Variants in KRT84 observed in about 807,000 individuals in gnomAD.
KRT84 encodes the protein keratin 84, also known as keratin, type II cuticular Hb4.
In KRT84, 38 loss-of-function variants were observed where a neutral mutation model predicts 49.0. That is an observed-to-expected ratio of 0.78 (90% CI 0.60 to 1.02). The LOEUF (loss-of-function observed/expected upper bound fraction) is 1.02, where lower values mean the gene tolerates loss of function less well. Ranked by LOEUF, KRT84 falls within the 50% of genes least tolerant of loss-of-function variation. KRT84 has a pLI of 0.00. For missense variants in KRT84, 860 were observed against 788.6 expected (o/e 1.09, Z -1.08); for synonymous variants, 334 against 312.8 (o/e 1.07, Z -0.72).
Position 52,382,488 on chromosome 12 carries a change from G to A in KRT84, c.861C>T (p.Asn287=), listed in dbSNP as rs547883078. 28 of 1,614,092 alleles carry A rather than the reference G, an allele frequency of 1.7e-5. No homozygotes were observed. The highest frequency in any genetic ancestry group is 8.3e-5 in the Admixed American group (5 of 60,028). Residue 287 remains asparagine, a synonymous_variant, in exon 4 of 9, where the codon AAC becomes AAT. Transcript: ENST00000257951. Reference sequence around the variant, plus strand: ...CAATTTCCTGAGTTAGGGTATCCACGTTGGCCTCGAGATCAGACTTGTTCA... The same window carrying A: ...CAATTTCCTGAGTTAGGGTATCCACATTGGCCTCGAGATCAGACTTGTTCA... ...AFMNKSDLEA[N]VDTLTQEIDF...
At position 52,383,681 on chromosome 12, in the gene KRT84, G is replaced by A. The variant is rs370908162; in HGVS notation, c.664C>T (p.Arg222Trp). The A allele has an allele frequency of 2.9e-5, 47 of 1,614,054 alleles. No individual in the cohort carries two copies. Among genetic ancestry groups the A allele is most frequent in the African/African-American group, 1.3e-4 (10 of 74,930 alleles). The change falls in exon 2 of 9, where the codon CGG becomes TGG. Residue 222 changes from arginine to tryptophan, a missense_variant. Transcript: ENST00000257951. ...CTGACCAGCACCTCCAACTGCCTCC[G>A]CAGGTTGGTGATGTAGCTCTCGAAG... ...PLFESYITNL[R>W]RQLEVLVSDQ... is the part of the protein sequence containing the mutation.
rs1445885651 is a variant in KRT84, at chr12:52,382,990, G to A, written c.816+15C>T. Reference sequence around the variant, plus strand: ...TCCAGAGGAGAAGTTGGCCTGGTCTGTGGTTCCCCCTTACCTTCTTCAGAG... The same window carrying A: ...TCCAGAGGAGAAGTTGGCCTGGTCTATGGTTCCCCCTTACCTTCTTCAGAG... On this transcript the variant is annotated intron_variant, in intron 3 of 8. Transcript: ENST00000257951. 1 of 1,612,622 alleles carries A rather than the reference G, an allele frequency of 6.2e-7. No individual in the cohort carries two copies. The highest frequency in any genetic ancestry group is 2.2e-5 in the East Asian group (1 of 44,874).
In KRT84 at chr12:52,378,005, C is replaced by A; in HGVS notation, c.*29G>T. The A allele has an allele frequency of 7.1e-7, 1 of 1,404,736 alleles. No individual in the cohort carries two copies. Among genetic ancestry groups the A allele is most frequent in the Non-Finnish European group, 9.3e-7 (1 of 1,074,516 alleles). The allele number at this position is 1,404,736 out of a possible 1,614,324, so 87.0% of individuals were successfully genotyped here. A position where few individuals can be genotyped will look rare whatever the true frequency, so the allele number is the denominator to read the frequency against. Reference sequence around the variant, plus strand: ...CAGGAGCCGTGGAGCTGGTTCTTCTCTGGGCAGCAGCTGTCTGGGGCTGGG... The same window carrying A: ...CAGGAGCCGTGGAGCTGGTTCTTCTATGGGCAGCAGCTGTCTGGGGCTGGG... On this transcript the variant is annotated 3_prime_UTR_variant, in exon 9 of 9. Transcript: ENST00000257951.
In KRT84 at chr12:52,380,556, C is replaced by T. The variant is rs748704194; in HGVS notation, c.1231G>A (p.Glu411Lys). The T allele has an allele frequency of 5.8e-5, 94 of 1,613,110 alleles. No homozygotes were observed. The highest frequency in any genetic ancestry group is 1.6e-4 in the Middle Eastern group (1 of 6,080). The change falls in exon 7 of 9, where the codon GAG becomes AAG. Residue 411 changes from glutamate (E) to lysine (K), a missense_variant. Glu to Lys is a moderately conservative substitution (Grantham distance 56, BLOSUM62 1). Transcript: ENST00000257951. Reference protein sequence around the residue: ...QRAKLEAAVAEAEQQGEATLS... With the variant: ...QRAKLEAAVAKAEQQGEATLS... The stretch of plus-strand genomic sequence containing the variant: ...GTCGCCTCGCCCTGCTGCTCGGCCT[C>T]GGCCACTGCAGCCTCCAACTTGGCA...
At chr12:52,381,965 G>A (rs1939492115) in intron 4 of KRT84, among the ~76,000 whole-genome samples, 1 of 152,200 alleles carries the variant, frequency 6.6e-6, no homozygotes, top group African/African-American at 2.4e-5. Flanking sequence ...GCTTGGGACT[G>A]GCCTGCAAAG....
intron 8 of KRT84, 87 bp from the exon 9 acceptor site, chr12:52,378,467 T>G (rs1939426049): frequency 1.5e-6 from 1 of 664,146 alleles, no homozygotes; most frequent in Non-Finnish European, 1.9e-6. Flanking sequence ...CCGGGTCTGG[T>G]GGGGAGGGAG....
chr12:52,384,310 T>C (rs999837828), intron 1 of KRT84, among the ~76,000 whole-genome samples: 3 of 152,146 alleles, frequency 2.0e-5, no homozygotes, highest in Non-Finnish European at 4.4e-5. Flanking sequence ...CAGCCCCTCA[T>C]TTTAGAGAGG....
intron 3 of KRT84, 147 bp from the exon 4 acceptor site, chr12:52,382,679 A>C (rs948806779): frequency 2.9e-5 from 19 of 653,104 alleles, no homozygotes; most frequent in Non-Finnish European, 4.8e-5. Flanking sequence ...ACTTTTGCTC[A>C]TTTCCCTATT....
rs1791611 is a variant in KRT84 at position 52,379,918 on chromosome 12, G to T, written c.1425-11C>A. The T allele has an allele frequency of 6.2e-7, 1 of 1,605,480 alleles. No homozygotes were observed. Among genetic ancestry groups the T allele is most frequent in the Admixed American group, 1.7e-5 (1 of 59,818 alleles). On this transcript the variant is annotated splice_polypyrimidine_tract_variant and intron_variant, in intron 7 of 8. Coordinates refer to ENST00000257951, the MANE Select transcript of KRT84 (RefSeq NM_033045.4). ...ACACCTTCACAGAGCCTGGAAAGGG[G>T]AAGAAACAAATCATTTCACATGCAC...
At chr12:52,379,248 C>A (rs1565774160) in intron 8 of KRT84, among the ~76,000 whole-genome samples, 1 of 152,214 alleles carries the variant, frequency 6.6e-6, no homozygotes, top group African/African-American at 2.4e-5. Context: ...TAAGTTCTGG[C>A]AAATCATGTA....
In KRT84 at chr12:52,385,617, G is replaced by C; in HGVS notation, c.-32C>G. 6.3e-7 allele frequency: 1 copy of C among 1,596,226 alleles called. No homozygotes were observed. Among genetic ancestry groups the C allele is most frequent in the South Asian group, 1.1e-5 (1 of 88,766 alleles). On this transcript the variant is annotated 5_prime_UTR_variant, in exon 1 of 9. Transcript: ENST00000257951. ...TTCCTGGTTGGGAGCAAAAGAGCAA[G>C]TGTAGAATGGGTGAGCTGGAGCTGG...
chr12:52,381,056 C>A lies in KRT84; in HGVS notation c.1203+24G>T, dbSNP rs750155297. ...GGCCCTGGTTCTCCCTCATCTGAGG[C>A]TTTCCCTCCTTTCCTTTGCCCACCT... On this transcript the variant is annotated intron_variant, in intron 6 of 8. Coordinates refer to ENST00000257951, the MANE Select transcript of KRT84 (RefSeq NM_033045.4). The A allele has an allele frequency of 1.4e-5, 22 of 1,611,544 alleles. No individual in the cohort carries two copies. In the African/African-American group the frequency reaches 2.7e-4, roughly 20 times the overall value.
intron 8 of KRT84, among the ~76,000 whole-genome samples, chr12:52,378,953 C>T (rs563849059): frequency 1.3e-5 from 2 of 152,210 alleles, no homozygotes; most frequent in South Asian, 2.1e-4. Context: ...GCTAGACCAG[C>T]CCCATCCATG....
chr12:52,383,925 C>T, intron 1 of KRT84, 127 bp from the exon 2 acceptor site: 2 of 723,766 alleles, frequency 2.8e-6, no homozygotes, highest in South Asian at 3.6e-5. Context: ...TGCTGACTTT[C>T]ATTCCTCCAC....
chr12:52,385,602 G>A lies in KRT84; in HGVS notation c.-17C>T. On this transcript the variant is annotated 5_prime_UTR_variant, in exon 1 of 9. Transcript: ENST00000257951. The stretch of plus-strand genomic sequence containing the variant: ...GCAAGACATGATGGCTTCCTGGTTG[G>A]GAGCAAAAGAGCAAGTGTAGAATGG... 1 of 1,607,720 alleles carries A rather than the reference G, an allele frequency of 6.2e-7. No individual in the cohort carries two copies. Among genetic ancestry groups the A allele is most frequent in the Non-Finnish European group, 8.5e-7 (1 of 1,176,722 alleles).
In KRT84 at chr12:52,380,595, G is replaced by C. The variant is rs766540369; in HGVS notation, c.1204-12C>G. Reference sequence around the variant, plus strand: ...TCCAACTTGGCACGCTGCAGGGAAGGCAGTTTGCAGGTAGGCTTCGGCAGT... The same window carrying C: ...TCCAACTTGGCACGCTGCAGGGAAGCCAGTTTGCAGGTAGGCTTCGGCAGT... On this transcript the variant is annotated splice_polypyrimidine_tract_variant and intron_variant, in intron 6 of 8. Transcript: ENST00000257951. 1 of 1,597,328 alleles carries C rather than the reference G, an allele frequency of 6.3e-7. No individual in the cohort carries two copies. Among genetic ancestry groups the C allele is most frequent in the Admixed American group, 1.7e-5 (1 of 58,788 alleles).
In KRT84 at chr12:52,385,140, G is replaced by A. The variant is rs1219426283; in HGVS notation, c.446C>T (p.Pro149Leu). ...AVTVNKSLLT[P>L]LNLEIDPNAQ... ...ATTGGGGTCAATCTCCAGGTTGAGG[G>A]GGGTCAGTAGGCTCTTGTTCACAGT... The change falls in exon 1 of 9, where the codon CCC becomes CTC. Residue 149 changes from proline to leucine, a missense_variant. Pro to Leu is a moderately conservative substitution (Grantham distance 98). Transcript: ENST00000257951. The A allele has an allele frequency of 1.9e-6, 3 of 1,598,014 alleles. No homozygotes were observed. The highest frequency in any genetic ancestry group is 2.6e-6 in the Non-Finnish European group (3 of 1,171,280).
chr12:52,384,803 C>G (rs1477189390), intron 1 of KRT84, among the ~76,000 whole-genome samples: 1 of 152,152 alleles, frequency 6.6e-6, no homozygotes, highest in Non-Finnish European at 1.5e-5. Context: ...CTCTGTCCTC[C>G]AGAAGATATC....
At chr12:52,378,551 T>G (rs1482524958) in intron 8 of KRT84, among the ~76,000 whole-genome samples, 171 bp from the exon 9 acceptor site, 1 of 152,214 alleles carries the variant, frequency 6.6e-6, no homozygotes, top group African/African-American at 2.4e-5. Flanking sequence ...TTTCCCTCTC[T>G]GGATGGCTCA....
Sources: allele counts gnomAD v4.1 joint callset (sites outside exome capture counted in the v4.1 genomes callset), GRCh38; gene constraint gnomAD v4.1.1; transcripts MANE v1.5; gene names NCBI Gene and HGNC (gene_info 2026-07-23, HGNC 2026-07-21).